LUC7L: variants seen among roughly 807,000 people sequenced by gnomAD.
The protein encoded by LUC7L is LUC7 like.
A neutral mutation model predicts 51.1 loss-of-function variants in LUC7L; 29 were observed. That is an observed-to-expected ratio of 0.57 (90% CI 0.42 to 0.77). The LOEUF (loss-of-function observed/expected upper bound fraction) is 0.77. Ranked by LOEUF, LUC7L falls within the 30% of genes least tolerant of loss-of-function variation. The probability of loss-of-function intolerance (pLI) is 0.00; values close to 1 mark genes in which losing one functional copy is unlikely to be tolerated. For missense variants in LUC7L, 403 were observed against 511.9 expected (o/e 0.79, Z 2.05); for synonymous variants, 181 against 180.7 (o/e 1.00, Z -0.01).
intron 5 of LUC7L, among the ~76,000 whole-genome samples, chr16:200,812 G>T (rs914108547): frequency 5.3e-5 from 8 of 152,006 alleles, no homozygotes; most frequent in African/African-American, 1.9e-4. Flanking sequence ...AGCCCAGGAG[G>T]TTGAAGGGGC....
chr16:212,822 G>A (rs1472501145), intron 3 of LUC7L, among the ~76,000 whole-genome samples: 1 of 151,278 alleles, frequency 6.6e-6, no homozygotes, highest in Admixed American at 6.6e-5. Context: ...CTGTCACCCA[G>A]GCTAGAATAC....
At position 190,063 on chromosome 16, in the gene LUC7L, G is replaced by C. The variant is rs765000869; in HGVS notation, c.879C>G (p.Ser293=). Residue 293 remains serine (S), a synonymous_variant, in exon 9 of 10, where the codon TCC becomes TCG. Transcript: ENST00000293872. ...GGCGCCGATGTCTATCTCGGGACCG[G>C]GACCGGGACAATTTCCGTCGCTCTC... ...TSRERRKLSR[S]RSRDRHRRHR... 1 of 1,613,664 alleles carries C rather than the reference G, an allele frequency of 6.2e-7. No homozygotes were observed. Among genetic ancestry groups the C allele is most frequent in the Non-Finnish European group, 8.5e-7 (1 of 1,180,022 alleles).
chr16:225,436 C>T (rs1229521284), intron 2 of LUC7L, among the ~76,000 whole-genome samples: 1 of 149,090 alleles, frequency 6.7e-6, no homozygotes, highest in African/African-American at 2.5e-5. Context: ...CGGTGAGCCA[C>T]GATCACATCA....
chr16:218,513 G>C (rs185959067), intron 3 of LUC7L, among the ~76,000 whole-genome samples: 1 of 152,296 alleles, frequency 6.6e-6, no homozygotes, highest in East Asian at 1.9e-4. Context: ...CTGAGGTCAA[G>C]AGTTCAAGAT....
chr16:228,634 G>A lies in LUC7L; in HGVS notation c.61+645C>T, dbSNP rs553730758. 609 of 1,182,436 alleles carry A rather than the reference G, an allele frequency of 5.2e-4. 1 individual carries two copies. The highest frequency in any genetic ancestry group is 6.2e-4 in the Non-Finnish European group (578 of 938,320). The allele number at this position is 1,182,436 out of a possible 1,614,324, so 73.2% of individuals were successfully genotyped here. A position where few individuals can be genotyped will look rare whatever the true frequency, so the allele number is the denominator to read the frequency against. On this transcript the variant is annotated intron_variant, in intron 1 of 9. Coordinates refer to ENST00000293872, the MANE Select transcript of LUC7L (RefSeq NM_201412.3). ...CACAGCAGGTATATAGTTTTGCAAA[G>A]ATGCAACCGCTTTCTCCTGTGACAA...
rs941912520 is a variant in LUC7L at position 189,161 on chromosome 16, C to T, written c.*37G>A. 5.1e-6 allele frequency: 8 copies of T among 1,578,486 alleles called. No homozygotes were observed. The highest frequency in any genetic ancestry group is 2.7e-5 in the African/African-American group (2 of 73,828). ...AAAGGGTAATTTTAGACTGTGTGAACGTTTATCAGACTATTTACAGCACCC... is the reference window on the plus strand; with the variant it reads ...AAAGGGTAATTTTAGACTGTGTGAATGTTTATCAGACTATTTACAGCACCC... On this transcript the variant is annotated 3_prime_UTR_variant, in exon 10 of 10. Coordinates refer to ENST00000293872, the MANE Select transcript of LUC7L (RefSeq NM_201412.3).
rs146292673 is a variant in LUC7L, at chr16:207,909, T to C, written c.366+169A>G. ...CTGCAGTCCCAGCTACTCGGGAGGCTGAGGCAGGAGAATGGCATGAACCCG... is the reference window on the plus strand; with the variant it reads ...CTGCAGTCCCAGCTACTCGGGAGGCCGAGGCAGGAGAATGGCATGAACCCG... On this transcript the variant is annotated intron_variant, in intron 4 of 9. Coordinates refer to ENST00000293872, the MANE Select transcript of LUC7L (RefSeq NM_201412.3). Among the ~76,000 whole-genome samples, 126 of 152,100 alleles carry C rather than the reference T, an allele frequency of 8.3e-4. 1 individual carries two copies. The East Asian group carries it at 0.014, about 17-fold the overall frequency.
At chr16:210,730 C>T (rs2049613543) in intron 3 of LUC7L, among the ~76,000 whole-genome samples, 1 of 152,190 alleles carries the variant, frequency 6.6e-6, no homozygotes, top group Non-Finnish European at 1.5e-5. Flanking sequence ...TCCAAATTGG[C>T]TATGGACTCA....
chr16:208,433 T>G (rs915851811), intron 3 of LUC7L: 1 of 416,622 alleles, frequency 2.4e-6, no homozygotes, highest in Non-Finnish European at 4.0e-6. Flanking sequence ...TTCCAAAATT[T>G]GTAAAAGGAC....
intron 5 of LUC7L, among the ~76,000 whole-genome samples, chr16:200,892 T>TA (rs563840340): frequency 2.6e-5 from 4 of 151,020 alleles, no homozygotes; most frequent in Admixed American, 6.6e-5. Context: ...CCTCTAATAT[T>TA]AAAAAAAATA....
intron 6 of LUC7L, among the ~76,000 whole-genome samples, chr16:195,231 C>G (rs1327109339): frequency 1.3e-5 from 2 of 151,580 alleles, no homozygotes; most frequent in Admixed American, 1.3e-4. Flanking sequence ...TGAGACCAGC[C>G]TGGGAAACAT....
chr16:199,303 C>A, intron 5 of LUC7L, 65 bp from the exon 6 acceptor site: 1 of 1,034,936 alleles, frequency 9.7e-7, no homozygotes, highest in Non-Finnish European at 1.4e-6. Flanking sequence ...ATTCAATCTC[C>A]AAAATGAAAA....
chr16:228,754 A>AG, intron 1 of LUC7L: 1 of 1,269,840 alleles, frequency 7.9e-7, no homozygotes, highest in South Asian at 1.3e-5. Context: ...GCTGGGGGGA[A>AG]GGGGGCAGCT....
rs2049478254 is a variant in LUC7L at position 206,159 on chromosome 16, A to G, written c.367-12T>C. 6.2e-7 allele frequency: 1 copy of G among 1,611,512 alleles called. No homozygotes were observed. The highest frequency in any genetic ancestry group is 8.5e-7 in the Non-Finnish European group (1 of 1,179,414). The stretch of plus-strand genomic sequence containing the variant: ...TGTACTTTTTCTGCCTGTGAGGAGA[A>G]AGAATGAGGTAAGCAGACATCTGAA... On this transcript the variant is annotated splice_polypyrimidine_tract_variant and intron_variant, in intron 4 of 9. Transcript: ENST00000293872.
intron 5 of LUC7L, among the ~76,000 whole-genome samples, chr16:204,910 T>TTCC (rs2049439190): frequency 7.9e-5 from 12 of 152,180 alleles, no homozygotes; most frequent in Admixed American, 7.9e-4. Context: ...AGGAACCCTG[T>TTCC]GAGTTCACTT....
chr16:212,938 C>A (rs1187602625), intron 3 of LUC7L, among the ~76,000 whole-genome samples: 1 of 152,068 alleles, frequency 6.6e-6, no homozygotes, highest in Non-Finnish European at 1.5e-5. Flanking sequence ...TCACTACACC[C>A]AGCTAACATT....
Position 199,385 on chromosome 16 carries a change from T to A in LUC7L, c.511-147A>T, listed in dbSNP as rs2049253973. 8.2e-6 allele frequency: 5 copies of A among 613,416 alleles called. No homozygotes were observed. The South Asian group carries it at 8.8e-5, about 11-fold the overall frequency. The allele number at this position is 613,416 out of a possible 1,614,324, so 38.0% of individuals were successfully genotyped here. On this transcript the variant is annotated intron_variant, in intron 5 of 9. Transcript: ENST00000293872. Reference sequence around the variant, plus strand: ...ACACAAACAAAACTTCAGATATTTATAACCAACTCAATTTTCACTGTTTAT... The same window carrying A: ...ACACAAACAAAACTTCAGATATTTAAAACCAACTCAATTTTCACTGTTTAT...
chr16:192,260 T>C (rs1209943699), intron 7 of LUC7L, among the ~76,000 whole-genome samples: 1 of 152,120 alleles, frequency 6.6e-6, no homozygotes, highest in Non-Finnish European at 1.5e-5. Flanking sequence ...ATCTGGATTT[T>C]CCCACCTAGC....
chr16:189,908 T>C, intron 9 of LUC7L, 60 bp downstream of exon 9: 1 of 1,565,332 alleles, frequency 6.4e-7, no homozygotes, highest in African/African-American at 1.3e-5. Flanking sequence ...CAGCAGACCC[T>C]GGGAACACAG....
Sources: allele counts gnomAD v4.1 joint callset (sites outside exome capture counted in the v4.1 genomes callset), GRCh38; gene constraint gnomAD v4.1.1; transcripts MANE v1.5; gene names NCBI Gene and HGNC (gene_info 2026-07-23, HGNC 2026-07-21).